TTC39B: variants seen among roughly 807,000 people sequenced by gnomAD.
TTC39B encodes the protein tetratricopeptide repeat protein 39B.
A neutral mutation model predicts 96.6 loss-of-function variants in TTC39B; 92 were observed. That is an observed-to-expected ratio of 0.95 (90% confidence interval 0.80 to 1.13). The LOEUF (loss-of-function observed/expected upper bound fraction) is 1.13, where lower values mean the gene tolerates loss of function less well. TTC39B is among the 50% of genes most tolerant of loss of function. The probability of loss-of-function intolerance (pLI) is 0.00; values close to 1 mark genes in which losing one functional copy is unlikely to be tolerated. For missense variants in TTC39B, 955 were observed against 809.3 expected (o/e 1.18, Z -2.18); for synonymous variants, 367 against 299.4 (o/e 1.23, Z -2.33).
chr9:15,233,925 C>A (rs940809739), intron 2 of TTC39B, among the ~76,000 whole-genome samples: 2 of 150,766 alleles, frequency 1.3e-5, no homozygotes, highest in Admixed American at 6.6e-5. Flanking sequence ...GCCTCTTCCC[C>A]GCCGCCATCC....
chr9:15,279,473 T>C (rs1012476920), intron 1 of TTC39B, among the ~76,000 whole-genome samples: 1 of 152,216 alleles, frequency 6.6e-6, no homozygotes, highest in Admixed American at 6.5e-5. Flanking sequence ...AACCACTCTA[T>C]CTGGGTTCAA....
At chr9:15,252,492 C>T (rs1338190235) in intron 2 of TTC39B, among the ~76,000 whole-genome samples, 1 of 152,026 alleles carries the variant, frequency 6.6e-6, no homozygotes, top group East Asian at 1.9e-4. Flanking sequence ...ACTAAAAATA[C>T]AAAAAATTAG....
rs1042107506 is a variant in TTC39B at position 15,212,655 on chromosome 9, G to T, written c.483-1258C>A. On this transcript the variant is annotated intron_variant, in intron 4 of 19. Transcript: ENST00000512701. ...TTGGTCAGGCTGGTCTCGAACTCCC[G>T]ACCTCAGGTGATCCATCTGCCTCGG... Among the ~76,000 whole-genome samples, 4 of 152,276 alleles carry T rather than the reference G, an allele frequency of 2.6e-5. No individual in the cohort carries two copies. In the South Asian group the frequency reaches 8.3e-4, roughly 32 times the overall value.
chr9:15,192,569 T>C, intron 9 of TTC39B, 21 bp downstream of exon 9: 1 of 1,591,804 alleles, frequency 6.3e-7, no homozygotes, highest in Non-Finnish European at 8.6e-7. Context: ...AGTTCTGGTT[T>C]CTATACAGTG....
intron 8 of TTC39B, among the ~76,000 whole-genome samples, chr9:15,197,868 G>A (rs1047528456): frequency 6.6e-6 from 1 of 152,018 alleles, no homozygotes; most frequent in Non-Finnish European, 1.5e-5. Flanking sequence ...AAAACCCATC[G>A]ACTCAGAATA....
exon 20 of TTC39B, chr9:15,168,880 T>C (rs1221481742): frequency 1.3e-5 from 2 of 152,184 alleles, no homozygotes; most frequent in African/African-American, 4.8e-5. Context: ...ATTGTTAGTG[T>C]CTATCACAAC....
At chr9:15,295,900 G>C (rs548177251) in intron 1 of TTC39B, among the ~76,000 whole-genome samples, 1 of 152,288 alleles carries the variant, frequency 6.6e-6, no homozygotes, top group Non-Finnish European at 1.5e-5. Flanking sequence ...GGTGACATAT[G>C]AGTACTTTTG....
intron 2 of TTC39B, among the ~76,000 whole-genome samples, chr9:15,229,799 T>A (rs10961923): frequency 0.17 from 26,592 of 152,140 alleles, 2,442 homozygotes; most frequent in Middle Eastern, 0.22. Context: ...CCGAGACCTG[T>A]AAGCCAACTG....
intron 19 of TTC39B, among the ~76,000 whole-genome samples, chr9:15,172,488 T>G (rs1435762436): frequency 6.6e-6 from 1 of 152,136 alleles, no homozygotes; most frequent in Non-Finnish European, 1.5e-5. Context: ...TAAACATGGT[T>G]AGCATGATCA....
chr9:15,279,780 G>T (rs997584268), intron 1 of TTC39B, among the ~76,000 whole-genome samples: 1 of 151,854 alleles, frequency 6.6e-6, no homozygotes, highest in Non-Finnish European at 1.5e-5. Context: ...GACATGTCCT[G>T]ATGTCCCCAA....
At chr9:15,222,773 C>A (rs1430413681) in intron 3 of TTC39B, among the ~76,000 whole-genome samples, 3 of 152,140 alleles carry the variant, frequency 2.0e-5, no homozygotes, top group African/African-American at 7.2e-5. Context: ...TTCTAAGGCC[C>A]TAGACCCCTG....
chr9:15,182,186 T>C (rs1176073113), intron 17 of TTC39B, 121 bp downstream of exon 17: 2 of 580,770 alleles, frequency 3.4e-6, no homozygotes, highest in Admixed American at 3.7e-5. Context: ...CCCCTGCAGC[T>C]CAAGCTCTTT....
At chr9:15,198,013 C>T (rs1284746879) in intron 8 of TTC39B, among the ~76,000 whole-genome samples, 1 of 151,982 alleles carries the variant, frequency 6.6e-6, no homozygotes, top group African/African-American at 2.4e-5. Context: ...TGAAAGTAAA[C>T]AGGAAATATA....
intron 2 of TTC39B, among the ~76,000 whole-genome samples, chr9:15,233,071 C>A (rs1362069024): frequency 6.6e-6 from 1 of 151,926 alleles, no homozygotes; most frequent in Non-Finnish European, 1.5e-5. Flanking sequence ...GATCCTGTTG[C>A]GGACACCCAG....
intron 2 of TTC39B, among the ~76,000 whole-genome samples, chr9:15,228,427 G>A (rs2131414415): frequency 6.6e-6 from 1 of 152,252 alleles, no homozygotes; most frequent in South Asian, 2.1e-4. Flanking sequence ...TTGCACCACT[G>A]CATTCCAGCC....
At chr9:15,239,050 A>G (rs1377722129) in intron 2 of TTC39B, among the ~76,000 whole-genome samples, 1 of 152,202 alleles carries the variant, frequency 6.6e-6, no homozygotes, top group Non-Finnish European at 1.5e-5. Context: ...TCTACAAGGA[A>G]CTCAAACAAC....
intron 8 of TTC39B, among the ~76,000 whole-genome samples, chr9:15,195,761 T>C (rs962254300): frequency 6.6e-6 from 1 of 150,454 alleles, no homozygotes; most frequent in Non-Finnish European, 1.5e-5. Flanking sequence ...CTAGCTAAGA[T>C]CACTGACGAA....
intron 4 of TTC39B, among the ~76,000 whole-genome samples, chr9:15,212,058 G>A (rs1342713456): frequency 3.9e-5 from 6 of 152,078 alleles, no homozygotes; most frequent in East Asian, 1.9e-4. Flanking sequence ...CCAGATTCTC[G>A]GGCTATGAGA....
At chr9:15,227,085 T>A (rs1220343911) in intron 2 of TTC39B, among the ~76,000 whole-genome samples, 3 of 152,148 alleles carry the variant, frequency 2.0e-5, no homozygotes, top group African/African-American at 7.2e-5. Flanking sequence ...GGCAGGTGGA[T>A]CACCCGAGGT....
Sources: gnomAD v4.1 joint callset for allele counts (sites outside exome capture counted in the v4.1 genomes callset) on GRCh38, gnomAD v4.1.1 for gene constraint, MANE v1.5 for transcripts, NCBI Gene and HGNC (gene_info 2026-07-23, HGNC 2026-07-21) for gene names.